Variants in MEF2A observed in about 807,000 individuals in gnomAD.
MEF2A encodes the protein myocyte enhancer factor 2A.
Under a neutral mutation model 55.8 loss-of-function variants are expected in MEF2A, and 28 were observed. That is an observed-to-expected ratio of 0.50 (90% CI 0.37 to 0.69). MEF2A has a LOEUF of 0.69. Among genes scored for constraint, MEF2A ranks in the 30% least tolerant of loss-of-function variants. The pLI, the probability that MEF2A is intolerant of heterozygous loss-of-function variation, is 0.00. For synonymous variants in MEF2A, 239 were observed against 227.1 expected (o/e 1.05, Z -0.47); for missense variants, 528 against 626.2 (o/e 0.84, Z 1.67).
Position 99,712,062 on chromosome 15 carries a change from G to A in MEF2A, c.1137-328G>A, listed in dbSNP as rs1041233347. 6.6e-6 allele frequency among the ~76,000 whole-genome samples: 1 copy of A among 152,256 alleles called. No individual in the cohort carries two copies. Among genetic ancestry groups the A allele is most frequent in the Non-Finnish European group, 1.5e-5 (1 of 68,040 alleles). On this transcript the variant is annotated intron_variant, in intron 11 of 11. Coordinates refer to ENST00000557942, the MANE Select transcript of MEF2A (RefSeq NM_001319206.4). This position sits in a 1 kb window ranked among gnomAD's most constrained non-coding sequence, Gnocchi z 4.1. ...GAGGAAGAAGAGGCGGTGAGCAGAT[G>A]AGGCTGCTGTTCCTCTGTCTTTCTG... is the stretch of plus-strand genomic sequence containing the variant.
At chr15:99,603,955 G>A (rs892375780) in intron 2 of MEF2A, among the ~76,000 whole-genome samples, 1 of 152,102 alleles carries the variant, frequency 6.6e-6, no homozygotes, top group Non-Finnish European at 1.5e-5. Flanking sequence ...GGGTTTTTAT[G>A]TTTTCTTGAT....
chr15:99,635,297 A>G (rs2043595094), intron 3 of MEF2A, among the ~76,000 whole-genome samples: 1 of 152,230 alleles, frequency 6.6e-6, no homozygotes, highest in Non-Finnish European at 1.5e-5. Flanking sequence ...CAAGATAAAA[A>G]TCACACTTCA....
Position 99,713,234 on chromosome 15 carries a change from A to G in MEF2A, c.*463A>G. ...GCAGTAGAAAAGCAGGAACCAAGAAAGCAATACTGTACATAAAATGTCATT... is the reference window on the plus strand; with the variant it reads ...GCAGTAGAAAAGCAGGAACCAAGAAGGCAATACTGTACATAAAATGTCATT... On this transcript the variant is annotated 3_prime_UTR_variant, in exon 12 of 12. Transcript: ENST00000557942. The G allele has an allele frequency of 2.5e-6, 1 of 393,946 alleles. No individual in the cohort carries two copies. The highest frequency in any genetic ancestry group is 4.5e-6 in the Non-Finnish European group (1 of 223,802). 24.4% of individuals were successfully genotyped at this position (393,946 alleles called of 1,614,324 possible).
chr15:99,648,312 G>T (rs921487863), intron 4 of MEF2A, among the ~76,000 whole-genome samples: 1 of 152,074 alleles, frequency 6.6e-6, no homozygotes, highest in African/African-American at 2.4e-5. Context: ...ATCTTATTTA[G>T]AGATTCCTAA....
At chr15:99,591,874 G>A (rs192611709) in intron 1 of MEF2A, among the ~76,000 whole-genome samples, 11 of 151,820 alleles carry the variant, frequency 7.2e-5, no homozygotes, top group African/African-American at 2.2e-4. Flanking sequence ...TAAAAAAATC[G>A]TTTAATATAT....
chr15:99,649,840 A>G (rs1353862825), intron 4 of MEF2A, among the ~76,000 whole-genome samples: 2 of 152,232 alleles, frequency 1.3e-5, no homozygotes, highest in Admixed American at 6.5e-5. Context: ...AAGGCAACAA[A>G]TGATACCTAA....
chr15:99,609,720 T>TTA (rs1275872925), intron 2 of MEF2A, among the ~76,000 whole-genome samples: 1 of 152,132 alleles, frequency 6.6e-6, no homozygotes, highest in African/African-American at 2.4e-5. Flanking sequence ...AAAAATTATC[T>TTA]TATATTAAAA....
chr15:99,590,414 T>G (rs1192973778), intron 1 of MEF2A, among the ~76,000 whole-genome samples: 1 of 149,430 alleles, frequency 6.7e-6, no homozygotes, highest in Non-Finnish European at 1.5e-5. Context: ...TTACTTAATC[T>G]GACAATCTCT....
chr15:99,705,006 TAATC>T (rs748072787), intron 9 of MEF2A, among the ~76,000 whole-genome samples: 36 of 152,216 alleles, frequency 2.4e-4, no homozygotes, highest in African/African-American at 5.1e-4. Context: ...ATTTAAAACT[TAATC>T]AATTAAAAAT....
intron 2 of MEF2A, among the ~76,000 whole-genome samples, chr15:99,609,223 G>A (rs1279015003): frequency 6.6e-6 from 1 of 152,206 alleles, no homozygotes; most frequent in Admixed American, 6.5e-5. Flanking sequence ...CTCTCTTCTA[G>A]TTAGTAAGGG....
chr15:99,591,439 C>T (rs927194282), intron 1 of MEF2A, among the ~76,000 whole-genome samples: 3 of 151,952 alleles, frequency 2.0e-5, no homozygotes, highest in Admixed American at 6.6e-5. Flanking sequence ...TGTGTCTTTC[C>T]ACTTCTTTGG....
intron 1 of MEF2A, among the ~76,000 whole-genome samples, chr15:99,592,661 G>A (rs1237035401): frequency 6.6e-6 from 1 of 152,162 alleles, no homozygotes; most frequent in Non-Finnish European, 1.5e-5. Context: ...AGGGGAGCAA[G>A]CTTGTCACAT....
At chr15:99,697,277 C>T (rs922272381) in intron 8 of MEF2A, among the ~76,000 whole-genome samples, 15 of 151,460 alleles carry the variant, frequency 9.9e-5, no homozygotes, top group Non-Finnish European at 1.5e-4. Context: ...GCATATATAT[C>T]GGGAAGAGAG....
intron 2 of MEF2A, among the ~76,000 whole-genome samples, chr15:99,600,661 A>G (rs1403730943): frequency 2.6e-5 from 4 of 152,068 alleles, no homozygotes; most frequent in Middle Eastern, 3.2e-3. Context: ...TGAAAACATT[A>G]TATTTTCCCC....
chr15:99,588,542 G>T (rs770494122), intron 1 of MEF2A, among the ~76,000 whole-genome samples: 20 of 151,828 alleles, frequency 1.3e-4, no homozygotes, highest in Non-Finnish European at 2.6e-4. Context: ...CTGAGCTCAG[G>T]CAATCTGGCC....
At chr15:99,673,068 C>A (rs1363009198) in intron 5 of MEF2A, among the ~76,000 whole-genome samples, 1 of 152,138 alleles carries the variant, frequency 6.6e-6, no homozygotes, top group Non-Finnish European at 1.5e-5. Flanking sequence ...CTGGAACGGT[C>A]CTTTTCCCCT....
At chr15:99,651,828 C>G (rs1367113453) in intron 4 of MEF2A, among the ~76,000 whole-genome samples, 1 of 152,142 alleles carries the variant, frequency 6.6e-6, no homozygotes, top group East Asian at 1.9e-4. Context: ...ATATTATTCT[C>G]CATTAGAGGT....
At chr15:99,602,653 G>GGGGGTGT (rs1555454713) in intron 2 of MEF2A, among the ~76,000 whole-genome samples, 2 of 44,870 alleles carry the variant, frequency 4.5e-5, no homozygotes, top group Non-Finnish European at 9.1e-5. Context: ...ACATTCCTGG[G>GGGGGTGT]GTGTGTGTGT....
chr15:99,680,191 G>A (rs1390753645), intron 7 of MEF2A, among the ~76,000 whole-genome samples: 4 of 152,120 alleles, frequency 2.6e-5, no homozygotes, highest in African/African-American at 9.7e-5. Context: ...GAGGAAAAAA[G>A]CAAGATAAAA....
Sources: allele counts gnomAD v4.1 joint callset (sites outside exome capture counted in the v4.1 genomes callset), GRCh38; gene constraint gnomAD v4.1.1; non-coding constraint Gnocchi (gnomAD v3.1); transcripts MANE v1.5; gene names NCBI Gene and HGNC (gene_info 2026-07-23, HGNC 2026-07-21).